SFXN1: variants seen among roughly 807,000 people sequenced by gnomAD.
SFXN1 encodes the protein sideroflexin 1, also known as sideroflexin-1.
SFXN1 carries 32 observed loss-of-function variants against 39.5 expected under a neutral mutation model. The observed-to-expected ratio is 0.81, with a 90% CI of 0.61 to 1.09. The LOEUF (loss-of-function observed/expected upper bound fraction) is 1.09. SFXN1 is among the 50% of genes least tolerant of loss of function. SFXN1 has a pLI of 0.00. For synonymous variants in SFXN1, 136 were observed against 146.5 expected, an observed-to-expected ratio of 0.93 and a Z score of 0.52; for missense variants, 402 against 407.1, an observed-to-expected ratio of 0.99 and a Z score of 0.11.
chr5:175,522,685 C>G, intron 10 of SFXN1: 2 of 389,890 alleles, frequency 5.1e-6, no homozygotes, highest in Non-Finnish European at 9.2e-6. Flanking sequence ...AACTCTGATG[C>G]AAATTTGCTT....
At chr5:175,493,833 AG>A (rs1319690713) in intron 2 of SFXN1, among the ~76,000 whole-genome samples, 17 of 152,208 alleles carry the variant, frequency 1.1e-4, no homozygotes, top group African/African-American at 4.1e-4. Flanking sequence ...TTTTCCGTAA[AG>A]GGCCAGACGA....
intron 9 of SFXN1, 81 bp downstream of exon 9, chr5:175,522,049 G>T: frequency 8.3e-7 from 1 of 1,207,870 alleles, no homozygotes. Context: ...GGGTAATATG[G>T]GATACAAATT....
At chr5:175,501,015 T>C (rs912192474) in intron 2 of SFXN1, among the ~76,000 whole-genome samples, 3 of 151,962 alleles carry the variant, frequency 2.0e-5, no homozygotes, top group Admixed American at 6.6e-5. Context: ...ACTATTCAAC[T>C]TCTAGAGAAA....
In SFXN1 at chr5:175,522,363, A is replaced by G. The variant is rs1561677229; in HGVS notation, c.825-12A>G. 3 of 1,574,328 alleles carry G rather than the reference A, an allele frequency of 1.9e-6. No homozygotes were observed. The highest frequency in any genetic ancestry group is 4.5e-5 in the East Asian group (2 of 44,500). On this transcript the variant is annotated splice_polypyrimidine_tract_variant and intron_variant, in intron 9 of 10. Transcript: ENST00000321442. ...TTAAAATGGTCTGACTTTTTTTTGTATTTTTTTTAAGTTTGGTGTTTGCTA... is the reference window on the plus strand; with the variant it reads ...TTAAAATGGTCTGACTTTTTTTTGTGTTTTTTTTAAGTTTGGTGTTTGCTA...
chr5:175,495,558 G>A (rs953366203), intron 2 of SFXN1, among the ~76,000 whole-genome samples: 6 of 151,892 alleles, frequency 4.0e-5, no homozygotes, highest in Non-Finnish European at 5.9e-5. Flanking sequence ...GTGAAACCCC[G>A]TCTCTTCTAA....
chr5:175,525,321 A>G (rs1008860531), intron 10 of SFXN1, among the ~76,000 whole-genome samples: 1 of 152,194 alleles, frequency 6.6e-6, no homozygotes, highest in Non-Finnish European at 1.5e-5. Flanking sequence ...TACCTGTACA[A>G]TTATAATACT....
chr5:175,526,906 A>G lies in SFXN1; in HGVS notation c.*172A>G. The G allele has an allele frequency of 1.6e-6, 1 of 618,076 alleles. No individual in the cohort carries two copies. Among genetic ancestry groups the G allele is most frequent in the Non-Finnish European group, 2.9e-6 (1 of 347,266 alleles). 38.3% of individuals were successfully genotyped at this position (618,076 alleles called of 1,614,324 possible). A position where few individuals can be genotyped will look rare whatever the true frequency, so the allele number is the denominator to read the frequency against. On this transcript the variant is annotated 3_prime_UTR_variant, in exon 11 of 11. Transcript: ENST00000321442. ...TTTAACAGAGCACCTGGCGTGGGCCAAGTGCCTGATACTCCCTTACACTGA... is the reference window on the plus strand; with the variant it reads ...TTTAACAGAGCACCTGGCGTGGGCCGAGTGCCTGATACTCCCTTACACTGA...
At chr5:175,525,028 A>G (rs1761016894) in intron 10 of SFXN1, among the ~76,000 whole-genome samples, 1 of 152,180 alleles carries the variant, frequency 6.6e-6, no homozygotes, top group African/African-American at 2.4e-5. Flanking sequence ...AACACAAGAA[A>G]CAGGTAGTTT....
chr5:175,505,961 C>T (rs6556214), intron 2 of SFXN1, among the ~76,000 whole-genome samples: 3,816 of 152,180 alleles, frequency 0.025, 136 homozygotes, highest in African/African-American at 0.085. Flanking sequence ...GGATTATAGG[C>T]GCCTGCCACC....
At chr5:175,513,740 T>C in intron 7 of SFXN1, 150 bp downstream of exon 7, 1 of 797,126 alleles carries the variant, frequency 1.3e-6, no homozygotes, top group East Asian at 3.0e-5. Context: ...AAATAAAGTA[T>C]GTAGTATGTG....
In SFXN1 at chr5:175,512,203, C is replaced by T. The variant is rs751197134; in HGVS notation, c.596+7C>T. On this transcript the variant is annotated splice_region_variant and intron_variant, in intron 6 of 10. Coordinates refer to ENST00000321442, the MANE Select transcript of SFXN1 (RefSeq NM_022754.7). Reference sequence around the variant, plus strand: ...TTCCATTAATGAGGCAAAGGTAAGACGAATATGCACTCTTAGTAGGGACAT... The same window carrying T: ...TTCCATTAATGAGGCAAAGGTAAGATGAATATGCACTCTTAGTAGGGACAT... The T allele has an allele frequency of 1.5e-5, 24 of 1,611,898 alleles. No homozygotes were observed. The East Asian group carries it at 3.6e-4, about 24-fold the overall frequency.
chr5:175,501,208 A>G (rs1029549024), intron 2 of SFXN1, among the ~76,000 whole-genome samples: 2 of 151,606 alleles, frequency 1.3e-5, no homozygotes, highest in African/African-American at 4.9e-5. Flanking sequence ...AGCTAGGATT[A>G]CAGGTACGTG....
Position 175,511,564 on chromosome 5 carries a change from T to C in SFXN1, c.510+38T>C, listed in dbSNP as rs1383008628. 3.3e-6 allele frequency: 5 copies of C among 1,530,964 alleles called. No individual in the cohort carries two copies. The South Asian group carries it at 5.7e-5, about 17-fold the overall frequency. The allele number at this position is 1,530,964 out of a possible 1,614,324, so 94.8% of individuals were successfully genotyped here. ...TTATTTCCATAATAAAGCTGTTTAA[T>C]TTGTTATCACCTGCCTGGCTCTAAA... On this transcript the variant is annotated intron_variant, in intron 5 of 10. Transcript: ENST00000321442.
chr5:175,512,177 A>G lies in SFXN1; in HGVS notation c.577A>G (p.Ile193Val). The change falls in exon 6 of 11, where the codon ATT becomes GTT. Residue 193 changes from isoleucine to valine, a missense_variant. Transcript: ENST00000321442. ...AAVAAANCIN[I>V]PLMRQRELKV... ...CGTAGCTGCTGCTAATTGCATTAAT[A>G]TTCCATTAATGAGGCAAAGGTAAGA... The G allele has an allele frequency of 6.2e-7, 1 of 1,614,106 alleles. No individual in the cohort carries two copies. Among genetic ancestry groups the G allele is most frequent in the Non-Finnish European group, 8.5e-7 (1 of 1,179,962 alleles).
intron 2 of SFXN1, among the ~76,000 whole-genome samples, chr5:175,496,336 G>T (rs550549692): frequency 2.0e-5 from 3 of 151,586 alleles, no homozygotes; most frequent in Non-Finnish European, 4.4e-5. Flanking sequence ...ATCGCTCCCT[G>T]CACTCCAGCC....
At chr5:175,490,176 A>G (rs995023926) in intron 1 of SFXN1, among the ~76,000 whole-genome samples, 1 of 152,226 alleles carries the variant, frequency 6.6e-6, no homozygotes, top group Non-Finnish European at 1.5e-5. Context: ...TTATGATTTC[A>G]GGTAGCAAAG....
chr5:175,511,006 T>C (rs761210481), intron 4 of SFXN1, among the ~76,000 whole-genome samples: 9 of 152,200 alleles, frequency 5.9e-5, no homozygotes, highest in Admixed American at 4.6e-4. Context: ...AGTTAAGATA[T>C]CATTTTTTAA....
intron 7 of SFXN1, among the ~76,000 whole-genome samples, chr5:175,514,803 C>G (rs917388005): frequency 3.9e-5 from 6 of 152,136 alleles, no homozygotes; most frequent in African/African-American, 1.4e-4. Context: ...GCCTTGGTGC[C>G]CTGCCTGAGG....
chr5:175,491,864 A>C (rs1007079620), intron 1 of SFXN1: 1 of 410,744 alleles, frequency 2.4e-6, no homozygotes, highest in Non-Finnish European at 4.3e-6. Flanking sequence ...CTATGTACTT[A>C]TAAAGAGAAA....
Sources: gnomAD v4.1 joint callset for allele counts (sites outside exome capture counted in the v4.1 genomes callset) on GRCh38, gnomAD v4.1.1 for gene constraint, MANE v1.5 for transcripts, NCBI Gene and HGNC (gene_info 2026-07-23, HGNC 2026-07-21) for gene names.